Variants in STK39 observed in about 807,000 individuals in gnomAD.
The protein encoded by STK39 is STE20/SPS1-related proline-alanine-rich protein kinase.
In STK39, 20 loss-of-function variants were observed where a neutral mutation model predicts 77.8. The observed-to-expected ratio is 0.26, with a 90% CI of 0.18 to 0.37. The LOEUF (loss-of-function observed/expected upper bound fraction) is 0.37, where lower values mean the gene tolerates loss of function less well. Ranked by LOEUF, STK39 falls within the 10% of genes least tolerant of loss-of-function variation. STK39 has a pLI of 1.00. For missense variants in STK39, 479 were observed against 656.5 expected, an observed-to-expected ratio of 0.73 and a Z score of 2.95; for synonymous variants, 246 against 234.1, an observed-to-expected ratio of 1.05 and a Z score of -0.47.
At chr2:167,959,173 C>T (rs1691869222) in intron 17 of STK39, among the ~76,000 whole-genome samples, 1 of 152,034 alleles carries the variant, frequency 6.6e-6, no homozygotes, top group East Asian at 1.9e-4. Flanking sequence ...GGCTGGAGTG[C>T]AGTGGTGTGA....
chr2:168,090,432 C>T (rs978002962), intron 10 of STK39, among the ~76,000 whole-genome samples: 1 of 152,210 alleles, frequency 6.6e-6, no homozygotes, highest in Admixed American at 6.5e-5. Flanking sequence ...GAGCTAGTGA[C>T]ATTGTATCCT....
At chr2:168,054,529 C>T (rs1228779101) in intron 14 of STK39, among the ~76,000 whole-genome samples, 1 of 152,154 alleles carries the variant, frequency 6.6e-6, no homozygotes, top group African/African-American at 2.4e-5. Context: ...CTCAAATTCT[C>T]AAAGAAAACA....
chr2:167,966,384 G>A (rs1358663286), intron 16 of STK39, among the ~76,000 whole-genome samples: 2 of 152,146 alleles, frequency 1.3e-5, no homozygotes, highest in African/African-American at 2.4e-5. Flanking sequence ...AATGAACACA[G>A]TACCCATTTT....
chr2:168,208,078 G>A (rs147069562), intron 1 of STK39, among the ~76,000 whole-genome samples: 1 of 152,196 alleles, frequency 6.6e-6, no homozygotes, highest in East Asian at 1.9e-4. Flanking sequence ...GCAGAAATAT[G>A]GTCATACATT....
intron 1 of STK39, among the ~76,000 whole-genome samples, chr2:168,234,118 G>A (rs1257171846): frequency 2.6e-5 from 4 of 152,192 alleles, no homozygotes; most frequent in African/African-American, 7.2e-5. Context: ...TACTAAGTCA[G>A]TGGCAATACC....
At chr2:168,134,650 T>C (rs1687786466) in intron 8 of STK39, among the ~76,000 whole-genome samples, 1 of 152,106 alleles carries the variant, frequency 6.6e-6, no homozygotes, top group Non-Finnish European at 1.5e-5. Context: ...TCTGTCTACG[T>C]CAATGCAGAA....
chr2:168,135,411 C>G (rs1240487212), intron 8 of STK39, among the ~76,000 whole-genome samples: 1 of 152,136 alleles, frequency 6.6e-6, no homozygotes, highest in Admixed American at 6.5e-5. Context: ...GCCCACTGTA[C>G]AGACAAGAAA....
intron 14 of STK39, among the ~76,000 whole-genome samples, chr2:168,059,461 G>T (rs765845540): frequency 2.4e-4 from 36 of 152,136 alleles, no homozygotes; most frequent in Non-Finnish European, 4.6e-4. Context: ...TGAGGGTGGC[G>T]TAGTGGAGAT....
Position 168,075,155 on chromosome 2 carries a change from A to G in STK39, c.1166T>C (p.Met389Thr), listed in dbSNP as rs1239064986. The change falls in exon 11 of 18, where the codon ATG (methionine) becomes ACG (threonine). Residue 389 changes from methionine to threonine, a missense_variant. This residue lies in a region of STK39 where 244 missense variants were observed against 296.8 expected (regional missense o/e 0.82). Transcript: ENST00000355999. ...TTTCCCTTCTTCGCTCTTCTCATCC[A>G]TCTCGTCGTCACTCCACTCCCAGTC... ...DGDWEWSDDE[M>T]DEKSEEGKAA... 3.1e-6 allele frequency: 5 copies of G among 1,613,992 alleles called. No homozygotes were observed. In the Admixed American group the frequency reaches 5.0e-5, roughly 16 times the overall value.
chr2:168,241,951 G>A (rs1005252572), intron 1 of STK39, among the ~76,000 whole-genome samples: 2 of 152,174 alleles, frequency 1.3e-5, no homozygotes, highest in African/African-American at 2.4e-5. Flanking sequence ...CATGAAACAG[G>A]CCAGGCTGTC....
intron 10 of STK39, among the ~76,000 whole-genome samples, chr2:168,079,234 C>T (rs777921561): frequency 6.6e-5 from 10 of 152,146 alleles, no homozygotes; most frequent in Non-Finnish European, 1.3e-4. Flanking sequence ...CCATCCTACA[C>T]CTACTGCCTG....
At chr2:168,073,873 C>T (rs1261488469) in intron 12 of STK39, among the ~76,000 whole-genome samples, 1 of 152,138 alleles carries the variant, frequency 6.6e-6, no homozygotes, top group Non-Finnish European at 1.5e-5. Context: ...CCGACTCGGC[C>T]TCCAAAAGCG....
intron 5 of STK39, among the ~76,000 whole-genome samples, chr2:168,145,497 G>A (rs1012834603): frequency 6.6e-6 from 1 of 151,986 alleles, no homozygotes; most frequent in African/African-American, 2.4e-5. Flanking sequence ...AGGATTGCTG[G>A]ATATCCCAGT....
intron 1 of STK39, among the ~76,000 whole-genome samples, chr2:168,238,041 G>A (rs1306838335): frequency 7.2e-5 from 11 of 152,132 alleles, no homozygotes; most frequent in Admixed American, 7.2e-4. Context: ...TACCCAAAAT[G>A]TAATCCTTTT....
At chr2:168,242,597 A>ATATATATATATATAT (rs1178293952) in intron 1 of STK39, among the ~76,000 whole-genome samples, 1 of 136,758 alleles carries the variant, frequency 7.3e-6, no homozygotes, top group Admixed American at 7.6e-5. Flanking sequence ...ATATATATAT[A>ATATATATATATATAT]AAGAGGCCAG....
At chr2:167,974,811 G>A (rs1574358092) in intron 16 of STK39, among the ~76,000 whole-genome samples, 1 of 152,138 alleles carries the variant, frequency 6.6e-6, no homozygotes, top group Non-Finnish European at 1.5e-5. Context: ...CTTGAATACA[G>A]GTTTCTAATA....
intron 10 of STK39, among the ~76,000 whole-genome samples, chr2:168,099,936 T>C (rs914028247): frequency 6.6e-5 from 10 of 152,164 alleles, no homozygotes; most frequent in Admixed American, 5.9e-4. Flanking sequence ...TCCATTGCTT[T>C]TGAAATGGAG....
rs144740702 is a variant in STK39, at chr2:168,001,043, C to G, written c.1498+11591G>C. ...CACTGGCCAGGCCCATGCGTTTGCA[C>G]CTAAAGCTGTTCAGATGGTTTCCTG... On this transcript the variant is annotated intron_variant, in intron 16 of 17. Coordinates refer to ENST00000355999, the MANE Select transcript of STK39 (RefSeq NM_013233.3). Among the ~76,000 whole-genome samples, 1,028 of 152,162 alleles carry G rather than the reference C, an allele frequency of 6.8e-3. 10 individuals carry two copies. The highest frequency in any genetic ancestry group is 0.024 in the African/African-American group (980 of 41,520).
intron 14 of STK39, among the ~76,000 whole-genome samples, chr2:168,062,750 T>A (rs1685695404): frequency 6.6e-6 from 1 of 152,194 alleles, no homozygotes; most frequent in South Asian, 2.1e-4. Flanking sequence ...GCTTTATTTG[T>A]TTAATGGTCA....
Sources: allele counts gnomAD v4.1 joint callset (sites outside exome capture counted in the v4.1 genomes callset), GRCh38; gene constraint gnomAD v4.1.1; regional missense constraint gnomAD v4.1.1; transcripts MANE v1.5; gene names NCBI Gene and HGNC (gene_info 2026-07-23, HGNC 2026-07-21).